CNOT1: variants seen among roughly 807,000 people sequenced by gnomAD.
CNOT1 encodes the protein CCR4-associated factor 1.
In CNOT1, 15 loss-of-function variants were observed where a neutral mutation model predicts 273.8. That is an observed-to-expected ratio of 0.05 (90% CI 0.04 to 0.08). The LOEUF (loss-of-function observed/expected upper bound fraction) is 0.08, where lower values mean the gene tolerates loss of function less well. Ranked by LOEUF, CNOT1 falls within the 10% of genes least tolerant of loss-of-function variation. The pLI, the probability that CNOT1 is intolerant of heterozygous loss-of-function variation, is 1.00. For missense variants in CNOT1, 1,644 were observed against 2,912.2 expected, an observed-to-expected ratio of 0.56 and a Z score of 10.02; for synonymous variants, 1,022 against 1,005.5, an observed-to-expected ratio of 1.02 and a Z score of -0.31.
rs150929067 is a variant in CNOT1, at chr16:58,609,465, A to C, written c.-174-9954T>G. Among the ~76,000 whole-genome samples the C allele has an allele frequency of 2.9e-4, 44 of 152,116 alleles. 1 individual carries two copies. Among genetic ancestry groups the C allele is most frequent in the African/African-American group, 9.4e-4 (39 of 41,508 alleles). Reference sequence around the variant, plus strand: ...TCCCCCAATAACCTATAGAAATAAAAATTTTGGAGGGGTGGGAGAGACAGT... The same window carrying C: ...TCCCCCAATAACCTATAGAAATAAACATTTTGGAGGGGTGGGAGAGACAGT... On this transcript the variant is annotated intron_variant, in intron 1 of 48. Transcript: ENST00000317147.
intron 19 of CNOT1, among the ~76,000 whole-genome samples, chr16:58,556,353 T>A (rs568541960): frequency 1.3e-5 from 2 of 152,250 alleles, no homozygotes; most frequent in Non-Finnish European, 2.9e-5. Context: ...TCAAGTCAGC[T>A]GGAATACTTT....
intron 1 of CNOT1, among the ~76,000 whole-genome samples, chr16:58,622,333 T>G (rs1226856652): frequency 1.6e-4 from 1 of 6,168 alleles, no homozygotes; most frequent in Non-Finnish European, 5.2e-4. Flanking sequence ...ACCACTCTAG[T>G]GGGGGGGGGG....
At chr16:58,621,160 T>C (rs546456664) in intron 1 of CNOT1, among the ~76,000 whole-genome samples, 2 of 152,170 alleles carry the variant, frequency 1.3e-5, no homozygotes, top group South Asian at 4.2e-4. Context: ...TGGGGTTTCA[T>C]CATATTGCCC....
At chr16:58,579,356 T>C (rs1043310310) in intron 12 of CNOT1, among the ~76,000 whole-genome samples, 2 of 152,190 alleles carry the variant, frequency 1.3e-5, no homozygotes, top group African/African-American at 4.8e-5. Context: ...TTCTCAATCA[T>C]AGAAATTTTT....
At chr16:58,565,939 C>CAA (rs35857214) in intron 16 of CNOT1, among the ~76,000 whole-genome samples, 5,085 of 144,708 alleles carry the variant, frequency 0.035, 275 homozygotes, top group African/African-American at 0.12. Context: ...GACCCTGCCT[C>CAA]AAAAAAAAAA....
At chr16:58,563,437 A>G (rs1476249263) in intron 16 of CNOT1, among the ~76,000 whole-genome samples, 1 of 152,202 alleles carries the variant, frequency 6.6e-6, no homozygotes, top group Non-Finnish European at 1.5e-5. Flanking sequence ...CTGATGACAC[A>G]TATCTCAGAA....
At chr16:58,524,206 C>T (rs1357819529) in intron 46 of CNOT1, among the ~76,000 whole-genome samples, 2 of 146,080 alleles carry the variant, frequency 1.4e-5, no homozygotes, top group Non-Finnish European at 3.0e-5. Flanking sequence ...GCCGATATTG[C>T]GCCACTGCCT....
intron 2 of CNOT1, among the ~76,000 whole-genome samples, chr16:58,594,905 A>C (rs189186682): frequency 3.3e-5 from 5 of 152,130 alleles, no homozygotes; most frequent in African/African-American, 1.2e-4. Flanking sequence ...TCATGAGGTA[A>C]GGAGTTCAAG....
chr16:58,539,623 G>GAAA, intron 35 of CNOT1, 145 bp downstream of exon 35: 1 of 751,254 alleles, frequency 1.3e-6, no homozygotes, highest in Non-Finnish European at 1.8e-6. Flanking sequence ...ATTCTACGTT[G>GAAA]GAAAAAAAAA....
rs562932743 is a variant in CNOT1, at chr16:58,611,683, T to C, written c.-174-12172A>G. On this transcript the variant is annotated intron_variant, in intron 1 of 48. Transcript: ENST00000317147. ...TAAAAATACAAAAATTAGCTGGGTG[T>C]GGTGGCAGGCATCTGCAGTCCCAGC... Among the ~76,000 whole-genome samples the C allele has an allele frequency of 1.1e-4, 17 of 151,772 alleles. No individual in the cohort carries two copies. The South Asian group carries it at 3.5e-3, about 32-fold the overall frequency.
chr16:58,594,386 G>GA (rs1439577546), intron 2 of CNOT1, among the ~76,000 whole-genome samples: 1 of 152,194 alleles, frequency 6.6e-6, no homozygotes, highest in Non-Finnish European at 1.5e-5. Context: ...GAAGGAAAAG[G>GA]AAAGTGACCG....
chr16:58,582,995 A>T, intron 9 of CNOT1, 61 bp downstream of exon 9: 5 of 1,543,256 alleles, frequency 3.2e-6, no homozygotes, highest in Admixed American at 1.9e-5. Context: ...TAATTTAATT[A>T]AAAAAAAATA....
chr16:58,619,089 G>C (rs80179524), intron 1 of CNOT1, among the ~76,000 whole-genome samples: 1,684 of 152,096 alleles, frequency 0.011, 34 homozygotes, highest in African/African-American at 0.039. Flanking sequence ...CCCAGCCACT[G>C]ACTGGGGAGA....
intron 1 of CNOT1, among the ~76,000 whole-genome samples, chr16:58,618,834 A>G (rs536092169): frequency 2.0e-4 from 31 of 152,288 alleles, no homozygotes; most frequent in South Asian, 1.9e-3. Flanking sequence ...TCAATGCTAC[A>G]GTGCCTTCAA....
intron 2 of CNOT1, among the ~76,000 whole-genome samples, chr16:58,589,279 G>A (rs540857931): frequency 8.5e-5 from 13 of 152,260 alleles, no homozygotes; most frequent in East Asian, 1.9e-4. Flanking sequence ...TTGGGAGGCC[G>A]AGGCTGATGG....
intron 1 of CNOT1, among the ~76,000 whole-genome samples, chr16:58,605,897 C>T (rs1170752680): frequency 1.3e-5 from 2 of 152,110 alleles, no homozygotes; most frequent in Non-Finnish European, 2.9e-5. Context: ...GCTCAGCGAT[C>T]CCTCTGCCTA....
rs145934948 is a variant in CNOT1 at position 58,554,155 on chromosome 16, G to A, written c.2892-295C>T. Reference sequence around the variant, plus strand: ...ACAATTCAAATTTTCACCAACATACGAATGGAAAAATAATTTGTAGTCAAC... The same window carrying A: ...ACAATTCAAATTTTCACCAACATACAAATGGAAAAATAATTTGTAGTCAAC... On this transcript the variant is annotated intron_variant, in intron 21 of 48. Transcript: ENST00000317147. Among the ~76,000 whole-genome samples the A allele has an allele frequency of 2.6e-4, 39 of 151,706 alleles. No individual in the cohort carries two copies. The East Asian group carries it at 7.4e-3, about 29-fold the overall frequency.
Position 58,560,480 on chromosome 16 carries a change from T to C in CNOT1, c.1980-118A>G, listed in dbSNP as rs2040796399. 4 of 1,452,786 alleles carry C rather than the reference T, an allele frequency of 2.8e-6. No individual in the cohort carries two copies. In the South Asian group the frequency reaches 5.9e-5, roughly 21 times the overall value. 90.0% of individuals were successfully genotyped at this position (1,452,786 alleles called of 1,614,324 possible). On this transcript the variant is annotated intron_variant, in intron 16 of 48. Transcript: ENST00000317147. The stretch of plus-strand genomic sequence containing the variant: ...TGGAGTCTCACTCTGTCACCCAGAC[T>C]GGAGTGCAGTAGCACGATATCAATT...
chr16:58,547,434 G>A lies in CNOT1; in HGVS notation c.3639+132C>T, dbSNP rs1029211667. 1 of 1,504,390 alleles carries A rather than the reference G, an allele frequency of 6.6e-7. No homozygotes were observed. The highest frequency in any genetic ancestry group is 2.3e-5 in the East Asian group (1 of 43,742). 93.2% of individuals were successfully genotyped at this position (1,504,390 alleles called of 1,614,324 possible). A position where few individuals can be genotyped will look rare whatever the true frequency, so the allele number is the denominator to read the frequency against. On this transcript the variant is annotated intron_variant, in intron 26 of 48. Coordinates refer to ENST00000317147, the MANE Select transcript of CNOT1 (RefSeq NM_016284.5). The surrounding 1 kb of genome is among the most constrained non-coding windows in gnomAD (Gnocchi z 4.0). ...TGTCTAGTCCTTGCCTTACAAAAAGGGGTTAACAACTCAAAACGTGGGCCA... is the reference window on the plus strand; with the variant it reads ...TGTCTAGTCCTTGCCTTACAAAAAGAGGTTAACAACTCAAAACGTGGGCCA...
Sources: gnomAD v4.1 joint callset for allele counts (sites outside exome capture counted in the v4.1 genomes callset) on GRCh38, gnomAD v4.1.1 for gene constraint, Gnocchi (gnomAD v3.1) non-coding constraint, MANE v1.5 for transcripts, NCBI Gene and HGNC (gene_info 2026-07-23, HGNC 2026-07-21) for gene names.